The following EPB41L4B variants were observed in gnomAD, a reference collection of about 807,000 sequenced individuals.
EPB41L4B encodes band 4.1-like protein 4B.
In EPB41L4B, 30 loss-of-function variants were observed where a neutral mutation model predicts 112.5. That is an observed-to-expected ratio of 0.27 (90% confidence interval 0.20 to 0.36). The LOEUF is 0.36. Ranked by LOEUF, EPB41L4B falls within the 10% of genes least tolerant of loss-of-function variation. The pLI is 1.00. For synonymous variants in EPB41L4B, 408 were observed against 439.7 expected (o/e 0.93, Z 0.90); for missense variants, 1,024 against 1,133.3 (o/e 0.90, Z 1.38).
chr9:109,319,603 C>T (rs183854076), intron 1 of EPB41L4B, among the ~76,000 whole-genome samples: 9 of 152,346 alleles, frequency 5.9e-5, no homozygotes, highest in Admixed American at 5.9e-4. Context: ...ATGGTCTAAC[C>T]CCCGCCTCCC....
intron 23 of EPB41L4B, 143 bp downstream of exon 23, chr9:109,185,346 C>T (rs1249780602): frequency 4.6e-6 from 3 of 658,810 alleles, no homozygotes; most frequent in Middle Eastern, 4.2e-4. Context: ...AATCCTCCAT[C>T]CATCTGGAGT....
At position 109,277,593 on chromosome 9, in the gene EPB41L4B, G is replaced by A. The variant is rs145382359; in HGVS notation, c.411+2224C>T. Among the ~76,000 whole-genome samples, 745 of 152,282 alleles carry A rather than the reference G, an allele frequency of 4.9e-3. 4 individuals are homozygous for A. The highest frequency in any genetic ancestry group is 0.01 in the Middle Eastern group (3 of 294). ...GTGCTGATGCCAGAAGGCACAGACC[G>A]TGGCTCTCTCCAGCAACGCCTGGCA... On this transcript the variant is annotated intron_variant, in intron 2 of 25. Coordinates refer to ENST00000374566, the MANE Select transcript of EPB41L4B (RefSeq NM_019114.5).
At chr9:109,278,649 G>A (rs1006727826) in intron 2 of EPB41L4B, among the ~76,000 whole-genome samples, 2 of 152,044 alleles carry the variant, frequency 1.3e-5, no homozygotes, top group Non-Finnish European at 2.9e-5. Context: ...TTAATACACT[G>A]TCTAAAATAG....
intron 1 of EPB41L4B, among the ~76,000 whole-genome samples, chr9:109,307,496 T>C (rs548442768): frequency 4.1e-4 from 63 of 152,320 alleles, no homozygotes; most frequent in African/African-American, 1.4e-3. Context: ...CCAAGCCAGC[T>C]TGGGCCCCTC....
At chr9:109,201,309 G>A (rs1832816290) in intron 19 of EPB41L4B, among the ~76,000 whole-genome samples, 1 of 151,954 alleles carries the variant, frequency 6.6e-6, no homozygotes, top group South Asian at 2.1e-4. Flanking sequence ...AATTAGCCAG[G>A]TATGGTGGCG....
intron 6 of EPB41L4B, among the ~76,000 whole-genome samples, chr9:109,260,785 A>G (rs1049716642): frequency 1.3e-5 from 2 of 152,198 alleles, no homozygotes; most frequent in African/African-American, 4.8e-5. Flanking sequence ...AAGAACGGTC[A>G]CAGAGAACTG....
rs180852843 is a variant in EPB41L4B, at chr9:109,310,476, T to C, written c.306+9665A>G. On this transcript the variant is annotated intron_variant, in intron 1 of 25. Transcript: ENST00000374566. ...TGTGTTATTTCTCTAAAACTATTCA[T>C]GTTATAGAGAGTCTTTTGTATTTAT... Among the ~76,000 whole-genome samples the C allele has an allele frequency of 1.7e-3, 261 of 152,288 alleles. 3 individuals are homozygous for C. Among genetic ancestry groups the C allele is most frequent in the African/African-American group, 5.7e-3 (239 of 41,568 alleles).
At chr9:109,318,339 C>A (rs1837712846) in intron 1 of EPB41L4B, among the ~76,000 whole-genome samples, 1 of 152,158 alleles carries the variant, frequency 6.6e-6, no homozygotes, top group Non-Finnish European at 1.5e-5. Context: ...CCTTCCCCCA[C>A]CAGGCTCCAG....
At chr9:109,269,225 G>T (rs761977660) in intron 2 of EPB41L4B, among the ~76,000 whole-genome samples, 36 of 152,128 alleles carry the variant, frequency 2.4e-4, no homozygotes, top group Non-Finnish European at 4.7e-4. Context: ...TTATTCTTTT[G>T]CCAGGAAAAT....
rs1588108887 is a variant in EPB41L4B, at chr9:109,172,496, A to G, written c.*2058T>C. ...AATTGCCCCGGATAGCTCCACTGACAGAGCAGAGAGCAGTAAAAAACCATC... is the reference window on the plus strand; with the variant it reads ...AATTGCCCCGGATAGCTCCACTGACGGAGCAGAGAGCAGTAAAAAACCATC... On this transcript the variant is annotated 3_prime_UTR_variant, in exon 26 of 26. Coordinates refer to ENST00000374566, the MANE Select transcript of EPB41L4B (RefSeq NM_019114.5). The G allele has an allele frequency of 6.6e-6, 1 of 152,250 alleles. No individual in the cohort carries two copies. Among genetic ancestry groups the G allele is most frequent in the South Asian group, 2.1e-4 (1 of 4,828 alleles). 9.4% of individuals were successfully genotyped at this position (152,250 alleles called of 1,614,324 possible).
intron 1 of EPB41L4B, among the ~76,000 whole-genome samples, chr9:109,283,677 A>G (rs1039135928): frequency 1.3e-5 from 2 of 152,366 alleles, no homozygotes; most frequent in East Asian, 3.9e-4. Context: ...ATAAAAATAC[A>G]TATGTGTTAT....
chr9:109,311,805 C>T (rs1478051252), intron 1 of EPB41L4B, among the ~76,000 whole-genome samples: 1 of 152,188 alleles, frequency 6.6e-6, no homozygotes, highest in Non-Finnish European at 1.5e-5. Context: ...AGTCCGGAAA[C>T]CTAAATTCAA....
chr9:109,314,214 C>T (rs1018863574), intron 1 of EPB41L4B, among the ~76,000 whole-genome samples: 6 of 152,160 alleles, frequency 3.9e-5, no homozygotes, highest in African/African-American at 1.4e-4. Flanking sequence ...AAGCAGTGGG[C>T]AAGGATGGAA....
chr9:109,227,330 C>A (rs1032551925), intron 15 of EPB41L4B, among the ~76,000 whole-genome samples: 3 of 151,448 alleles, frequency 2.0e-5, no homozygotes, highest in Admixed American at 2.0e-4. Flanking sequence ...AACTTGAATT[C>A]TTGAATTCCA....
intron 1 of EPB41L4B, among the ~76,000 whole-genome samples, chr9:109,305,073 T>A (rs770534042): frequency 6.6e-6 from 1 of 152,022 alleles, no homozygotes; most frequent in Non-Finnish European, 1.5e-5. Context: ...AGGTCAATAA[T>A]GCCATCTATT....
At chr9:109,301,335 G>A (rs567831639) in intron 1 of EPB41L4B, among the ~76,000 whole-genome samples, 4 of 152,180 alleles carry the variant, frequency 2.6e-5, no homozygotes, top group East Asian at 3.9e-4. Flanking sequence ...TTCCTCCCTG[G>A]CCCACCATTA....
At chr9:109,271,417 A>G (rs3793555) in intron 2 of EPB41L4B, among the ~76,000 whole-genome samples, 78,762 of 152,124 alleles carry the variant, frequency 0.52, 20,576 homozygotes, top group East Asian at 0.67. Context: ...ATCAGAGGCA[A>G]TAAGAAACCC....
intron 19 of EPB41L4B, among the ~76,000 whole-genome samples, chr9:109,200,636 A>G (rs1832792524): frequency 6.6e-6 from 1 of 152,176 alleles, no homozygotes; most frequent in South Asian, 2.1e-4. Flanking sequence ...GCCCCCCAAT[A>G]TGAGGGGTGA....
At chr9:109,208,360 C>A (rs75392991) in intron 17 of EPB41L4B, among the ~76,000 whole-genome samples, 1 of 152,192 alleles carries the variant, frequency 6.6e-6, no homozygotes, top group Non-Finnish European at 1.5e-5. Context: ...GTTCAAGTCT[C>A]CTAACCTCAG....
Sources: allele counts gnomAD v4.1 joint callset (sites outside exome capture counted in the v4.1 genomes callset), GRCh38; gene constraint gnomAD v4.1.1; transcripts MANE v1.5; gene names NCBI Gene and HGNC (gene_info 2026-07-23, HGNC 2026-07-21).